The following CDR2L variants were observed in gnomAD, a reference collection of about 807,000 sequenced individuals.
CDR2L encodes cerebellar degeneration-related protein 2-like.
CDR2L carries 19 observed loss-of-function variants against 36.1 expected under a neutral mutation model. The observed-to-expected ratio is 0.53, with a 90% confidence interval of 0.37 to 0.77. CDR2L has a LOEUF of 0.77. Ranked by LOEUF, CDR2L falls within the 30% of genes least tolerant of loss-of-function variation. CDR2L has a pLI of 0.00. For synonymous variants in CDR2L, 285 were observed against 280.4 expected, an observed-to-expected ratio of 1.02 and a Z score of -0.16; for missense variants, 575 against 627.2, an observed-to-expected ratio of 0.92 and a Z score of 0.89.
chr17:74,988,602 A>G (rs2039777980), intron 1 of CDR2L, among the ~76,000 whole-genome samples: 1 of 152,102 alleles, frequency 6.6e-6, no homozygotes, highest in African/African-American at 2.4e-5. Flanking sequence ...GACTCCTAGA[A>G]AGTTTCCCTA....
At chr17:74,998,974 G>A (rs535313497) in intron 1 of CDR2L, among the ~76,000 whole-genome samples, 2 of 152,282 alleles carry the variant, frequency 1.3e-5, no homozygotes, top group South Asian at 2.1e-4. Context: ...AAGCTACGCT[G>A]TCTCACCATG....
intron 1 of CDR2L, among the ~76,000 whole-genome samples, chr17:74,992,652 G>A (rs1238013698): frequency 6.6e-6 from 1 of 152,194 alleles, no homozygotes; most frequent in Admixed American, 6.5e-5. Context: ...GCTTTGACCA[G>A]CTTAGCTTGC....
In CDR2L at chr17:75,004,003, ATCT is replaced by A. The variant is rs2039887388; in HGVS notation, c.1331_1333del (p.Phe444del). On this transcript the variant is annotated inframe_deletion, in exon 5 of 5. Transcript: ENST00000337231. ...CGAGTACAAGGCGCTCTTCAAAGAG[ATCT>A]TCTCCAGGATCCAGAAGACCAAGGC... 7 of 1,610,596 alleles carry A rather than the reference ATCT, an allele frequency of 4.3e-6. No homozygotes were observed. The highest frequency in any genetic ancestry group is 1.3e-5 in the African/African-American group (1 of 74,968).
intron 2 of CDR2L, 29 bp from the exon 3 acceptor site, chr17:75,001,312 A>G (rs749846282): frequency 1.3e-6 from 2 of 1,572,770 alleles, no homozygotes; most frequent in Non-Finnish European, 1.7e-6. Flanking sequence ...CCAATTCTAA[A>G]AAGTTACTCA....
At position 74,999,529 on chromosome 17, in the gene CDR2L, G is replaced by A. The variant is rs1197427569; in HGVS notation, c.105G>A (p.Gly35=). 1 of 1,583,082 alleles carries A rather than the reference G, an allele frequency of 6.3e-7. No individual in the cohort carries two copies. Among genetic ancestry groups the A allele is most frequent in the African/African-American group, 1.3e-5 (1 of 74,402 alleles). Residue 35 remains glycine (G), a synonymous_variant, in exon 2 of 5, where the codon GGG becomes GGA. Transcript: ENST00000337231. The part of the protein sequence containing the change: ...EQDLHLAAEL[G]KTLLERNKEL... ...ACTTGCACCTAGCTGCGGAGCTGGGGAAGACTCTGCTGGAGAGGAACAAGG... is the reference window on the plus strand; with the variant it reads ...ACTTGCACCTAGCTGCGGAGCTGGGAAAGACTCTGCTGGAGAGGAACAAGG...
intron 1 of CDR2L, 31 bp downstream of exon 1, chr17:74,988,153 C>T: frequency 1.4e-6 from 2 of 1,444,200 alleles, no homozygotes; most frequent in Non-Finnish European, 1.9e-6. Flanking sequence ...GACAGGAAGG[C>T]GGGGAGCGCC....
rs1436510544 is a variant in CDR2L, at chr17:74,999,494, C to T, written c.80-10C>T. 4 of 1,543,246 alleles carry T rather than the reference C, an allele frequency of 2.6e-6. No homozygotes were observed. The highest frequency in any genetic ancestry group is 2.0e-5 in the Admixed American group (1 of 51,104). On this transcript the variant is annotated splice_polypyrimidine_tract_variant and intron_variant, in intron 1 of 4. Transcript: ENST00000337231. Reference sequence around the variant, plus strand: ...CCTTTGTTCTCATGCTCGTGTTTCTCCTATCCTAGACTTGCACCTAGCTGC... The same window carrying T: ...CCTTTGTTCTCATGCTCGTGTTTCTTCTATCCTAGACTTGCACCTAGCTGC...
intron 1 of CDR2L, among the ~76,000 whole-genome samples, chr17:74,991,274 T>C (rs960413808): frequency 2.0e-5 from 3 of 151,566 alleles, no homozygotes; most frequent in African/African-American, 7.3e-5. Flanking sequence ...TGGTGGCACA[T>C]GCCTGTAATC....
In CDR2L at chr17:75,002,031, A is replaced by G. The variant is rs769765504; in HGVS notation, c.342-33A>G. On this transcript the variant is annotated intron_variant, in intron 3 of 4. Transcript: ENST00000337231. This position sits in a 1 kb window ranked among gnomAD's most constrained non-coding sequence, Gnocchi z 4.1. ...TGAGGCAAACTGGCCCCATCCCCTT[A>G]AAGTCCCTGTGTGTCCACCACCCCG... is the stretch of plus-strand genomic sequence containing the variant. The G allele has an allele frequency of 4.8e-5, 73 of 1,517,258 alleles. No individual in the cohort carries two copies. Among genetic ancestry groups the G allele is most frequent in the South Asian group, 3.4e-4 (26 of 76,502 alleles). 94.0% of individuals were successfully genotyped at this position (1,517,258 alleles called of 1,614,324 possible). A position where few individuals can be genotyped will look rare whatever the true frequency, so the allele number is the denominator to read the frequency against.
chr17:74,990,215 C>T (rs574852885), intron 1 of CDR2L, among the ~76,000 whole-genome samples: 18 of 152,292 alleles, frequency 1.2e-4, no homozygotes, highest in African/African-American at 1.7e-4. Context: ...GCTGGGTGGC[C>T]GTGCTCTGGG....
chr17:75,003,577 G>C lies in CDR2L; in HGVS notation c.901G>C (p.Gly301Arg), dbSNP rs187215004. The change falls in exon 5 of 5, where the codon GGG (glycine) becomes CGG (arginine). Residue 301 changes from glycine to arginine, a missense_variant. Transcript: ENST00000337231. ...GRGDDLGAQD[G>R]VSSPAASPGH... ...CGGGGACGACTTGGGCGCCCAGGACGGGGTCTCCTCACCGGCAGCCTCTCC... is the reference window on the plus strand; with the variant it reads ...CGGGGACGACTTGGGCGCCCAGGACCGGGTCTCCTCACCGGCAGCCTCTCC... The C allele has an allele frequency of 9.9e-6, 15 of 1,509,066 alleles. No homozygotes were observed. In the African/African-American group the frequency reaches 1.3e-4, roughly 13 times the overall value. The allele number at this position is 1,509,066 out of a possible 1,614,324, so 93.5% of individuals were successfully genotyped here.
At position 74,999,567 on chromosome 17, in the gene CDR2L, C is replaced by T. The variant is rs1285605921; in HGVS notation, c.143C>T (p.Ser48Phe). The T allele has an allele frequency of 4.4e-6, 7 of 1,587,926 alleles. No homozygotes were observed. The highest frequency in any genetic ancestry group is 6.0e-6 in the Non-Finnish European group (7 of 1,167,568). The change falls in exon 2 of 5, where the codon TCC (serine) becomes TTC (phenylalanine). Residue 48 changes from serine to phenylalanine, a missense_variant. By Grantham distance (155) the Ser-to-Phe change is radical. Coordinates refer to ENST00000337231, the MANE Select transcript of CDR2L (RefSeq NM_014603.3). The stretch of plus-strand genomic sequence containing the variant: ...GAGAGGAACAAGGAGCTGGAGGGGT[C>T]CCTGCAGCAGATGTACTCCACCAAT... The part of the protein sequence containing the change: ...LLERNKELEG[S>F]LQQMYSTNEE...
chr17:74,999,294 A>ACACACC (rs1444789591), intron 1 of CDR2L, among the ~76,000 whole-genome samples: 2 of 147,766 alleles, frequency 1.4e-5, no homozygotes, highest in Non-Finnish European at 3.0e-5. Flanking sequence ...TCTTGCACAC[A>ACACACC]CACACACACA....
In CDR2L at chr17:75,003,668, C is replaced by G. The variant is rs1368915495; in HGVS notation, c.992C>G (p.Ala331Gly). ...ALNAIVAKDP[A>G]SRHAGNLTLH... Reference sequence around the variant, plus strand: ...AACGCCATCGTGGCCAAAGACCCAGCCAGCCGGCACGCGGGCAACCTCACA... The same window carrying G: ...AACGCCATCGTGGCCAAAGACCCAGGCAGCCGGCACGCGGGCAACCTCACA... The change falls in exon 5 of 5, where the codon GCC (alanine) becomes GGC (glycine). Residue 331 changes from alanine to glycine, a missense_variant. Ala to Gly is a moderately conservative substitution (Grantham distance 60). Coordinates refer to ENST00000337231, the MANE Select transcript of CDR2L (RefSeq NM_014603.3). 1 of 1,459,380 alleles carries G rather than the reference C, an allele frequency of 6.9e-7. No individual in the cohort carries two copies. Among genetic ancestry groups the G allele is most frequent in the South Asian group, 1.5e-5 (1 of 68,718 alleles). The allele number at this position is 1,459,380 out of a possible 1,614,324, so 90.4% of individuals were successfully genotyped here.
chr17:75,001,770 A>G (rs1416557255), intron 3 of CDR2L, among the ~76,000 whole-genome samples: 1 of 152,220 alleles, frequency 6.6e-6, no homozygotes, highest in Non-Finnish European at 1.5e-5. Flanking sequence ...CCTGGAAGAG[A>G]AGGCAGGCAT....
intron 1 of CDR2L, among the ~76,000 whole-genome samples, chr17:74,994,933 G>T (rs2039816313): frequency 6.6e-6 from 1 of 152,088 alleles, no homozygotes; most frequent in South Asian, 2.1e-4. Flanking sequence ...GCTGGGCGTG[G>T]TAGCACGCGC....
rs1220208721 is a variant in CDR2L at position 74,989,798 on chromosome 17, C to T, written c.79+1676C>T. On this transcript the variant is annotated intron_variant, in intron 1 of 4. Coordinates refer to ENST00000337231, the MANE Select transcript of CDR2L (RefSeq NM_014603.3). The surrounding 1 kb of genome is among the most constrained non-coding windows in gnomAD (Gnocchi z 4.2). ...GCCTCCTGAGTAGCTGGGACCACAC[C>T]TGGCTAATTTTTGTATTTTTAGTAG... Among the ~76,000 whole-genome samples the T allele has an allele frequency of 6.6e-6, 1 of 152,050 alleles. No individual in the cohort carries two copies. The highest frequency in any genetic ancestry group is 1.5e-5 in the Non-Finnish European group (1 of 68,002).
chr17:75,004,427 CTTTTTTT>C lies in CDR2L; in HGVS notation c.*362_*368del, dbSNP rs5822063. On this transcript the variant is annotated 3_prime_UTR_variant, in exon 5 of 5. Coordinates refer to ENST00000337231, the MANE Select transcript of CDR2L (RefSeq NM_014603.3). Reference sequence around the variant, plus strand: ...CTGAAAGCCATTCTGGATCAGTTGGCTTTTTTTTTTTTTTTGGTTAAGTTTGTTTTTT... The same window carrying C: ...CTGAAAGCCATTCTGGATCAGTTGGCTTTTTTTTGGTTAAGTTTGTTTTTT... 2 of 155,980 alleles carry C rather than the reference CTTTTTTT, an allele frequency of 1.3e-5. No individual in the cohort carries two copies. Among genetic ancestry groups the C allele is most frequent in the African/African-American group, 5.0e-5 (2 of 40,120 alleles). 9.7% of individuals were successfully genotyped at this position (155,980 alleles called of 1,614,324 possible).
intron 1 of CDR2L, among the ~76,000 whole-genome samples, chr17:74,993,487 T>C (rs981050230): frequency 6.6e-6 from 1 of 152,112 alleles, no homozygotes; most frequent in Non-Finnish European, 1.5e-5. Flanking sequence ...TGTTGCCCAG[T>C]GCAATGATCT....
Sources: allele counts gnomAD v4.1 joint callset (sites outside exome capture counted in the v4.1 genomes callset), GRCh38; gene constraint gnomAD v4.1.1; non-coding constraint Gnocchi (gnomAD v3.1); transcripts MANE v1.5; gene names NCBI Gene and HGNC (gene_info 2026-07-23, HGNC 2026-07-21).